Variants in MACROD2 observed in about 807,000 individuals in gnomAD.
The protein encoded by MACROD2 is ADP-ribose glycohydrolase MACROD2.
MACROD2 carries 36 observed loss-of-function variants against 70.4 expected under a neutral mutation model. The ratio of observed to expected loss-of-function variants is 0.51; its 90% CI spans 0.39 to 0.68. The LOEUF is 0.68. Ranked by LOEUF, MACROD2 falls within the 30% of genes least tolerant of loss-of-function variation. MACROD2 has a pLI of 0.00. For missense variants in MACROD2, 496 were observed against 538.4 expected (o/e 0.92, Z 0.78); for synonymous variants, 172 against 178.8 (o/e 0.96, Z 0.30).
intron 3 of MACROD2, among the ~76,000 whole-genome samples, chr20:14,287,089 C>A (rs1246588268): frequency 4.6e-5 from 7 of 152,070 alleles, no homozygotes; most frequent in Admixed American, 4.6e-4. Context: ...TTAACTGAAC[C>A]CCTAGAGTAC....
chr20:14,606,603 T>A (rs1982821243), intron 4 of MACROD2, among the ~76,000 whole-genome samples: 1 of 152,210 alleles, frequency 6.6e-6, no homozygotes, highest in Non-Finnish European at 1.5e-5. Flanking sequence ...TATTGTTTTA[T>A]GTCAGAGATT....
chr20:15,470,988 A>G (rs1205045624), intron 7 of MACROD2, among the ~76,000 whole-genome samples: 2 of 152,050 alleles, frequency 1.3e-5, no homozygotes, highest in African/African-American at 2.4e-5. Flanking sequence ...GGGCTTATAA[A>G]AAGTTTTTTC....
chr20:15,240,664 G>A (rs759886796), intron 6 of MACROD2, among the ~76,000 whole-genome samples: 4 of 152,176 alleles, frequency 2.6e-5, no homozygotes, highest in Non-Finnish European at 5.9e-5. Flanking sequence ...GGACTGAATT[G>A]TGTCCCATCA....
At chr20:15,437,420 C>T (rs1777451007) in intron 7 of MACROD2, among the ~76,000 whole-genome samples, 1 of 152,164 alleles carries the variant, frequency 6.6e-6, no homozygotes, top group Non-Finnish European at 1.5e-5. Flanking sequence ...ACCAAATTCG[C>T]ACATACCATC....
At position 14,659,191 on chromosome 20, in the gene MACROD2, G is replaced by A. The variant is rs149204750; in HGVS notation, c.302-25652G>A. On this transcript the variant is annotated intron_variant, in intron 4 of 17. Coordinates refer to ENST00000684519, the MANE Select transcript of MACROD2 (RefSeq NM_001351661.2). ...TAAGGAAATATACCACATATCAAGA[G>A]AAGTTATCTCTTGGGTTATCGGAAT... Among the ~76,000 whole-genome samples the A allele has an allele frequency of 2.5e-3, 382 of 152,248 alleles. 3 individuals carry two copies. The highest frequency in any genetic ancestry group is 8.8e-3 in the African/African-American group (365 of 41,562).
chr20:15,053,112 G>T (rs1362182563), intron 5 of MACROD2, among the ~76,000 whole-genome samples: 2 of 152,184 alleles, frequency 1.3e-5, no homozygotes, highest in Non-Finnish European at 2.9e-5. Flanking sequence ...CGGTTCCTGA[G>T]ATTTAATGAA....
Position 15,491,831 on chromosome 20 carries a change from C to T in MACROD2, c.572-7943C>T, listed in dbSNP as rs1266230247. 5.9e-5 allele frequency among the ~76,000 whole-genome samples: 9 copies of T among 152,342 alleles called. No individual in the cohort carries two copies. In the South Asian group the frequency reaches 1.7e-3, roughly 28 times the overall value. On this transcript the variant is annotated intron_variant, in intron 7 of 17. Transcript: ENST00000684519. ...AGGTAAAAGGTTTAAGTCAAAGCAG[C>T]TTGCAAGGACACAGCATATGCCAAG...
At chr20:14,449,567 A>C (rs1411271700) in intron 3 of MACROD2, among the ~76,000 whole-genome samples, 2 of 151,880 alleles carry the variant, frequency 1.3e-5, no homozygotes, top group African/African-American at 4.8e-5. Context: ...TGTGGAGTAC[A>C]AACAAAGCTG....
intron 6 of MACROD2, among the ~76,000 whole-genome samples, chr20:15,430,897 C>T (rs1260521365): frequency 6.6e-6 from 1 of 151,926 alleles, no homozygotes; most frequent in Non-Finnish European, 1.5e-5. Flanking sequence ...AACTGTCCCA[C>T]AATATGGGTC....
chr20:16,044,250 C>T (rs1289404186), intron 16 of MACROD2, among the ~76,000 whole-genome samples: 3 of 152,020 alleles, frequency 2.0e-5, no homozygotes, highest in Non-Finnish European at 1.5e-5. Flanking sequence ...CTCATATGAG[C>T]TCACTCATCA....
At chr20:15,544,083 A>G (rs2047994068) in intron 8 of MACROD2, among the ~76,000 whole-genome samples, 2 of 152,170 alleles carry the variant, frequency 1.3e-5, no homozygotes, top group African/African-American at 4.8e-5. Flanking sequence ...GTGGATACAG[A>G]GTCGGGGAAG....
At chr20:14,800,789 C>T (rs2072565846) in intron 5 of MACROD2, among the ~76,000 whole-genome samples, 1 of 152,062 alleles carries the variant, frequency 6.6e-6, no homozygotes, top group Non-Finnish European at 1.5e-5. Flanking sequence ...GTTACCACTC[C>T]AGAATTGTCT....
intron 8 of MACROD2, among the ~76,000 whole-genome samples, chr20:15,521,046 G>A (rs1283103678): frequency 6.6e-6 from 1 of 152,148 alleles, no homozygotes; most frequent in East Asian, 1.9e-4. Flanking sequence ...TATATAATTA[G>A]ACATGTTTCC....
At chr20:15,148,246 G>C (rs2145856674) in intron 5 of MACROD2, among the ~76,000 whole-genome samples, 1 of 152,026 alleles carries the variant, frequency 6.6e-6, no homozygotes, top group South Asian at 2.1e-4. Context: ...GGATGACATT[G>C]TGGGGGGTTG....
rs546538638 is a variant in MACROD2, at chr20:15,917,856, G to GAA, written c.776-15409_776-15408dup. 7.8e-5 allele frequency among the ~76,000 whole-genome samples: 11 copies of GAA among 140,212 alleles called. No individual in the cohort carries two copies. In the East Asian group the frequency reaches 1.7e-3, roughly 21 times the overall value. 92.0% of individuals were successfully genotyped at this position (140,212 alleles called of 152,430 possible). On this transcript the variant is annotated intron_variant, in intron 10 of 17. Transcript: ENST00000684519. Reference sequence around the variant, plus strand: ...ATTCATACTAAAAGAGGGAAAAAAGGAAAAAAAAAAAAGCTGAAGGAAGAA... The same window carrying GAA: ...ATTCATACTAAAAGAGGGAAAAAAGGAAAAAAAAAAAAAAGCTGAAGGAAGAA...
chr20:15,997,015 T>C (rs1233959320), intron 15 of MACROD2, among the ~76,000 whole-genome samples: 8 of 152,174 alleles, frequency 5.3e-5, no homozygotes, highest in Admixed American at 3.3e-4. Context: ...TGACTTTATA[T>C]GCATGGGTTT....
chr20:14,343,120 C>T (rs1203212939), intron 3 of MACROD2, among the ~76,000 whole-genome samples: 1 of 151,996 alleles, frequency 6.6e-6, no homozygotes, highest in Non-Finnish European at 1.5e-5. Context: ...CTCTTCAGCA[C>T]CTCCATATAT....
At chr20:14,401,709 A>G (rs2083639714) in intron 3 of MACROD2, among the ~76,000 whole-genome samples, 1 of 152,016 alleles carries the variant, frequency 6.6e-6, no homozygotes, top group Non-Finnish European at 1.5e-5. Flanking sequence ...AAGGCATCTC[A>G]TGGTGGTTTT....
At chr20:14,524,331 A>G (rs2085205344) in intron 4 of MACROD2, among the ~76,000 whole-genome samples, 1 of 152,162 alleles carries the variant, frequency 6.6e-6, no homozygotes, top group African/African-American at 2.4e-5. Flanking sequence ...TTCCGATATA[A>G]TTATGTGGTC....
Sources: allele counts gnomAD v4.1 joint callset (sites outside exome capture counted in the v4.1 genomes callset), GRCh38; gene constraint gnomAD v4.1.1; transcripts MANE v1.5; gene names NCBI Gene and HGNC (gene_info 2026-07-23, HGNC 2026-07-21).